Variants in PRDM5 observed in about 807,000 individuals in gnomAD.
PRDM5 encodes the protein PR/SET domain 5.
In PRDM5, 56 loss-of-function variants were observed where a neutral mutation model predicts 81.2. The observed-to-expected ratio is 0.69, with a 90% confidence interval of 0.56 to 0.86. PRDM5 has a LOEUF of 0.86. Ranked by LOEUF, PRDM5 falls within the 40% of genes least tolerant of loss-of-function variation. PRDM5 has a pLI of 0.00. For synonymous variants in PRDM5, 267 were observed against 256.4 expected, an observed-to-expected ratio of 1.04 and a Z score of -0.39; for missense variants, 697 against 770.1, an observed-to-expected ratio of 0.91 and a Z score of 1.12.
chr4:120,861,563 C>T (rs543413511), intron 2 of PRDM5, among the ~76,000 whole-genome samples: 6 of 151,908 alleles, frequency 3.9e-5, no homozygotes, highest in African/African-American at 9.7e-5. Flanking sequence ...TTTGGGAGGC[C>T]GAGGCGGGCA....
intron 3 of PRDM5, among the ~76,000 whole-genome samples, chr4:120,844,249 C>T (rs545307182): frequency 1.0e-3 from 158 of 152,176 alleles, no homozygotes; most frequent in African/African-American, 3.6e-3. Flanking sequence ...ACAAACCTGG[C>T]AAGGGGTGGT....
intron 13 of PRDM5, among the ~76,000 whole-genome samples, chr4:120,774,490 T>A (rs901361145): frequency 6.6e-6 from 1 of 152,198 alleles, no homozygotes; most frequent in Admixed American, 6.5e-5. Flanking sequence ...CATAAAACCA[T>A]GTGATTACTG....
intron 10 of PRDM5, among the ~76,000 whole-genome samples, chr4:120,796,231 T>C (rs1751330921): frequency 6.6e-6 from 1 of 152,216 alleles, no homozygotes; most frequent in Admixed American, 6.5e-5. Context: ...TTTTACATGA[T>C]TCTTGGAGAA....
intron 14 of PRDM5, 103 bp downstream of exon 14, chr4:120,754,450 T>A: frequency 2.7e-6 from 2 of 731,240 alleles, no homozygotes; most frequent in South Asian, 3.6e-5. Flanking sequence ...ATATACAACT[T>A]CCAGTGTATT....
chr4:120,717,719 G>A (rs1235161401), intron 14 of PRDM5, among the ~76,000 whole-genome samples: 5 of 152,190 alleles, frequency 3.3e-5, no homozygotes, highest in Non-Finnish European at 5.9e-5. Context: ...GTCAACCTCG[G>A]ATCCCTGGAT....
intron 15 of PRDM5, among the ~76,000 whole-genome samples, chr4:120,707,318 AG>A (rs1237155559): frequency 7.0e-6 from 1 of 142,596 alleles, no homozygotes; most frequent in Non-Finnish European, 1.6e-5. Context: ...AACAGAACAA[AG>A]GGAAAAAAAA....
chr4:120,788,588 C>G (rs13130546), intron 10 of PRDM5, among the ~76,000 whole-genome samples: 1 of 152,318 alleles, frequency 6.6e-6, no homozygotes, highest in South Asian at 2.1e-4. Flanking sequence ...TCTAAAAATA[C>G]TATATTCCTC....
intron 12 of PRDM5, among the ~76,000 whole-genome samples, chr4:120,778,629 G>A (rs894132721): frequency 3.3e-5 from 5 of 152,086 alleles, no homozygotes; most frequent in Admixed American, 2.6e-4. Flanking sequence ...GTCAGTATCA[G>A]TGTCTTTTGA....
chr4:120,848,696 T>G (rs1464796378), intron 3 of PRDM5, among the ~76,000 whole-genome samples: 1 of 152,258 alleles, frequency 6.6e-6, no homozygotes, highest in East Asian at 1.9e-4. Flanking sequence ...AGAATATTCC[T>G]ATAAATGCAA....
At chr4:120,687,763 C>T (rs1733890505), downstream of PRDM5, among the ~76,000 whole-genome samples, 1 of 152,096 alleles carries the variant, frequency 6.6e-6, no homozygotes, top group African/African-American at 2.4e-5. Flanking sequence ...TGAATTAATG[C>T]CACTATTGTG....
intron 2 of PRDM5, among the ~76,000 whole-genome samples, chr4:120,861,623 C>A (rs960930126): frequency 4.0e-5 from 6 of 151,726 alleles, no homozygotes; most frequent in African/African-American, 1.5e-4. Flanking sequence ...CATGGTGAAA[C>A]CCTGTCTCTA....
At chr4:120,875,808 C>A (rs1227513086) in intron 2 of PRDM5, among the ~76,000 whole-genome samples, 1 of 152,096 alleles carries the variant, frequency 6.6e-6, no homozygotes, top group Non-Finnish European at 1.5e-5. Context: ...CCAAAAAATT[C>A]TTTTTCACAG....
At position 120,913,517 on chromosome 4, in the gene PRDM5, T is replaced by C. The variant is rs143228933; in HGVS notation, c.94-5960A>G. 1.5e-3 allele frequency among the ~76,000 whole-genome samples: 222 copies of C among 152,358 alleles called. 1 individual carries two copies. Among genetic ancestry groups the C allele is most frequent in the African/African-American group, 5.0e-3 (210 of 41,588 alleles). ...TAAAATGGAATTATTCTTTATGAAA[T>C]GCATCACTTATGAAATAATACAAAA... is the stretch of plus-strand genomic sequence containing the variant. On this transcript the variant is annotated intron_variant, in intron 1 of 15. Transcript: ENST00000264808.
At chr4:120,712,000 C>T (rs1340787139) in intron 14 of PRDM5, among the ~76,000 whole-genome samples, 2 of 151,956 alleles carry the variant, frequency 1.3e-5, no homozygotes, top group Non-Finnish European at 2.9e-5. Flanking sequence ...TATAAACATT[C>T]TTGGGCTGGG....
At chr4:120,783,761 G>A (rs186205131) in intron 11 of PRDM5, among the ~76,000 whole-genome samples, 66 of 152,156 alleles carry the variant, frequency 4.3e-4, no homozygotes, top group Admixed American at 3.9e-3. Flanking sequence ...AGACCTGTAA[G>A]CTGAATGCAG....
At chr4:120,742,683 T>A (rs1396137899) in intron 14 of PRDM5, among the ~76,000 whole-genome samples, 4 of 151,884 alleles carry the variant, frequency 2.6e-5, no homozygotes, top group Non-Finnish European at 5.9e-5. Flanking sequence ...GTATCAGCAA[T>A]GGAAGGTGAA....
At chr4:120,801,993 T>C (rs529792904) in intron 8 of PRDM5, among the ~76,000 whole-genome samples, 1 of 152,340 alleles carries the variant, frequency 6.6e-6, no homozygotes, top group South Asian at 2.1e-4. Context: ...TCTATTGATA[T>C]ATAAAATTAT....
At chr4:120,857,696 A>C (rs1265199046) in intron 2 of PRDM5, among the ~76,000 whole-genome samples, 1 of 152,252 alleles carries the variant, frequency 6.6e-6, no homozygotes. Flanking sequence ...GCTCAATTAC[A>C]GAAAACCCTA....
chr4:120,896,399 T>C (rs972106657), intron 2 of PRDM5: 10 of 152,252 alleles, frequency 6.6e-5, no homozygotes, highest in Admixed American at 3.9e-4. Context: ...TATAATATCA[T>C]TTAATATCTT....
Sources: allele counts gnomAD v4.1 joint callset (sites outside exome capture counted in the v4.1 genomes callset), GRCh38; gene constraint gnomAD v4.1.1; transcripts MANE v1.5; gene names NCBI Gene and HGNC (gene_info 2026-07-23, HGNC 2026-07-21).